Variants in DIAPH2 observed in about 807,000 individuals in gnomAD.
DIAPH2 encodes the protein protein diaphanous homolog 2.
DIAPH2 carries 35 observed loss-of-function variants against 92.7 expected under a neutral mutation model. The ratio of observed to expected loss-of-function variants is 0.38; its 90% CI spans 0.29 to 0.50. The LOEUF is 0.50. DIAPH2 is among the 20% of genes least tolerant of loss of function. DIAPH2 has a pLI of 0.94. For missense variants in DIAPH2, 701 were observed against 819.5 expected (o/e 0.86, Z 1.77); for synonymous variants, 301 against 280.4 (o/e 1.07, Z -0.73).
intron 17 of DIAPH2, among the ~76,000 whole-genome samples, chrX:96,968,790 A>G (rs2065909554): frequency 8.9e-6 from 1 of 111,940 alleles, no homozygotes; most frequent in Non-Finnish European, 1.9e-5. Context: ...CTTAGTCATG[A>G]GTTATTTCCC....
At chrX:97,254,845 G>A (rs2068223202) in intron 23 of DIAPH2, among the ~76,000 whole-genome samples, 1 of 109,680 alleles carries the variant, frequency 9.1e-6, no homozygotes, top group Admixed American at 9.9e-5. Context: ...GACTACAGGT[G>A]CTGGCCACCA....
At position 97,599,686 on chromosome X, in the gene DIAPH2, CAAAAG is replaced by C. The variant is rs2071580206; in HGVS notation, c.*371_*375del. 3 of 119,251 alleles carry C rather than the reference CAAAAG, an allele frequency of 2.5e-5. No individual in the cohort carries two copies. Among genetic ancestry groups the C allele is most frequent in the Non-Finnish European group, 5.0e-5 (3 of 59,840 alleles). 9.8% of individuals were successfully genotyped at this position (119,251 alleles called of 1,213,427 possible). ...ATGTGTAAGTCACCCCCACCAAAAACAAAAGAGAAGAAAAAGAATAGAAAGAATTA... is the reference window on the plus strand; with the variant it reads ...ATGTGTAAGTCACCCCCACCAAAAACAGAAGAAAAAGAATAGAAAGAATTA... On this transcript the variant is annotated 3_prime_UTR_variant, in exon 27 of 27. Coordinates refer to ENST00000324765, the MANE Select transcript of DIAPH2 (RefSeq NM_006729.5).
chrX:96,858,430 A>G (rs951076166), intron 4 of DIAPH2, among the ~76,000 whole-genome samples: 2 of 112,123 alleles, frequency 1.8e-5, no homozygotes, highest in Admixed American at 9.5e-5. Context: ...CCTATTGACA[A>G]TATCCAAGGA....
At chrX:97,169,211 G>A (rs1484505357) in intron 22 of DIAPH2, among the ~76,000 whole-genome samples, 7 of 111,642 alleles carry the variant, frequency 6.3e-5, no homozygotes, top group Non-Finnish European at 1.3e-4. Flanking sequence ...AATGTACTTG[G>A]AGAGTTTGAG....
At chrX:97,583,201 G>A (rs192920183) in intron 26 of DIAPH2, among the ~76,000 whole-genome samples, 1 of 112,277 alleles carries the variant, frequency 8.9e-6, no homozygotes, top group African/African-American at 3.2e-5. Context: ...GTCCAGCTTT[G>A]TTCTGCTGCT....
intron 25 of DIAPH2, among the ~76,000 whole-genome samples, chrX:97,398,706 G>T (rs1309187902): frequency 9.1e-6 from 1 of 109,431 alleles, no homozygotes; most frequent in Non-Finnish European, 1.9e-5. Context: ...ATGTGCCCTA[G>T]ACTTTAGTAG....
At chrX:97,445,827 A>G (rs1041434960) in intron 26 of DIAPH2, among the ~76,000 whole-genome samples, 3 of 110,411 alleles carry the variant, frequency 2.7e-5, no homozygotes, top group African/African-American at 6.6e-5. Flanking sequence ...AACTGGGGGG[A>G]AAAATCAGGA....
intron 23 of DIAPH2, among the ~76,000 whole-genome samples, chrX:97,338,856 C>T (rs1208018022): frequency 1.5e-4 from 17 of 111,589 alleles, no homozygotes; most frequent in African/African-American, 5.5e-4. Flanking sequence ...AAATGATAAA[C>T]AGTTTTCTAC....
At chrX:96,871,298 C>T (rs748460011) in intron 4 of DIAPH2, among the ~76,000 whole-genome samples, 50 of 108,802 alleles carry the variant, frequency 4.6e-4, no homozygotes, top group African/African-American at 1.6e-3. Flanking sequence ...GAAACCCCGT[C>T]TCTACCAAAA....
At chrX:97,441,924 A>G (rs2070263451) in intron 26 of DIAPH2, 3 of 113,453 alleles carry the variant, frequency 2.6e-5, no homozygotes, top group East Asian at 5.5e-4. Context: ...GAAGATTGCT[A>G]TGTAGTCTAT....
intron 20 of DIAPH2, among the ~76,000 whole-genome samples, chrX:97,106,000 C>T (rs1052658714): frequency 5.4e-5 from 6 of 110,682 alleles, no homozygotes; most frequent in Non-Finnish European, 9.4e-5. Context: ...TTTTTTAAAG[C>T]CTCATAAGAG....
intron 23 of DIAPH2, among the ~76,000 whole-genome samples, chrX:97,278,531 C>G (rs2068470501): frequency 1.8e-5 from 2 of 111,428 alleles, no homozygotes; most frequent in South Asian, 3.8e-4. Context: ...TTTTTGATGT[C>G]TCCATAATTT....
chrX:96,913,358 AAAAG>A (rs2065481535), intron 7 of DIAPH2, among the ~76,000 whole-genome samples: 1 of 111,628 alleles, frequency 9.0e-6, no homozygotes, highest in African/African-American at 3.2e-5. Flanking sequence ...AAACATAACA[AAAAG>A]AAAGAAATGA....
chrX:97,155,759 C>G (rs1367345768), intron 22 of DIAPH2, among the ~76,000 whole-genome samples: 2 of 111,559 alleles, frequency 1.8e-5, no homozygotes, highest in Non-Finnish European at 3.8e-5. Flanking sequence ...TGCGTCTCAC[C>G]ATACTTCTTG....
intron 17 of DIAPH2, among the ~76,000 whole-genome samples, chrX:96,968,430 G>T (rs1181255456): frequency 1.8e-5 from 2 of 110,118 alleles, no homozygotes. Context: ...TGTTGGCCAG[G>T]CTGGTCTCGA....
At chrX:97,174,674 T>G (rs1364874022) in intron 22 of DIAPH2, among the ~76,000 whole-genome samples, 5 of 112,203 alleles carry the variant, frequency 4.5e-5, no homozygotes, top group African/African-American at 1.6e-4. Flanking sequence ...TTCGGAAACT[T>G]AACTCTTGGG....
intron 4 of DIAPH2, among the ~76,000 whole-genome samples, chrX:96,844,895 A>G (rs183504773): frequency 2.7e-5 from 3 of 112,386 alleles, no homozygotes; most frequent in African/African-American, 9.7e-5. Flanking sequence ...GAAAGCTTTA[A>G]CATTCTCCTT....
chrX:96,751,444 T>C (rs1286460253), intron 3 of DIAPH2, among the ~76,000 whole-genome samples: 41 of 102,643 alleles, frequency 4.0e-4, no homozygotes, highest in East Asian at 3.2e-4. Context: ...AGCGTGGTGG[T>C]GGGCGCCTGT....
intron 15 of DIAPH2, among the ~76,000 whole-genome samples, chrX:96,957,556 T>C (rs1207362800): frequency 9.0e-6 from 1 of 111,322 alleles, no homozygotes; most frequent in Non-Finnish European, 1.9e-5. Context: ...CCAAACCCTA[T>C]CAGATACCAA....
Sources: allele counts gnomAD v4.1 joint callset (sites outside exome capture counted in the v4.1 genomes callset), GRCh38; gene constraint gnomAD v4.1.1; transcripts MANE v1.5; gene names NCBI Gene and HGNC (gene_info 2026-07-23, HGNC 2026-07-21).